Variants in SYAP1 observed in about 807,000 individuals in gnomAD.
The protein encoded by SYAP1 is synapse associated protein 1, also known as synapse-associated protein 1.
A neutral mutation model predicts 29.6 loss-of-function variants in SYAP1; 3 were observed. The observed-to-expected ratio is 0.10, with a 90% CI of 0.05 to 0.26. The LOEUF (loss-of-function observed/expected upper bound fraction) is 0.26. Among genes scored for constraint, SYAP1 ranks in the 10% least tolerant of loss-of-function variants. The probability of loss-of-function intolerance (pLI) is 1.00; values close to 1 mark genes in which losing one functional copy is unlikely to be tolerated. For synonymous variants in SYAP1, 102 were observed against 102.7 expected (o/e 0.99, Z 0.04); for missense variants, 217 against 264.1 (o/e 0.82, Z 1.24).
chrX:16,719,895 C>A lies in SYAP1; in HGVS notation c.171C>A (p.Phe57Leu), dbSNP rs1476091839. The change falls in exon 1 of 9, where the codon TTC (phenylalanine) becomes TTA (leucine). Residue 57 changes from phenylalanine (F) to leucine (L), a missense_variant. Transcript: ENST00000380155. ...DQELLHQAKD[F>L]GNYLFNFASA... ...AGCTCCTCCACCAGGCCAAAGACTT[C>A]GGCAGTGAGTCTACCCTGGCTCTGG... 2 of 1,180,856 alleles carry A rather than the reference C, an allele frequency of 1.7e-6. No homozygotes were observed. Among genetic ancestry groups the A allele is most frequent in the Non-Finnish European group, 1.1e-6 (1 of 880,544 alleles).
intron 5 of SYAP1, among the ~76,000 whole-genome samples, chrX:16,748,760 CT>C (rs146948101): frequency 0.33 from 31,185 of 93,410 alleles, 4,286 homozygotes; most frequent in Middle Eastern, 0.44. Flanking sequence ...TTTTTTTTTT[CT>C]TTTTTTTTTT....
chrX:16,757,254 A>G lies in SYAP1; in HGVS notation c.876A>G (p.Lys292=). ...ACNLNQEDLR[K]EMEQLVLDKK... is the part of the protein sequence containing the mutation. ...ACCTAAATCAGGAAGATCTAAGGAA[A>G]GAAATGGAGCAACTAGTGCTTGACA... Residue 292 remains lysine (K), a synonymous_variant, in exon 8 of 9, where the codon AAA becomes AAG. Coordinates refer to ENST00000380155, the MANE Select transcript of SYAP1 (RefSeq NM_032796.4). The G allele has an allele frequency of 1.7e-6, 2 of 1,211,425 alleles. No homozygotes were observed. The highest frequency in any genetic ancestry group is 2.2e-6 in the Non-Finnish European group (2 of 895,250).
intron 1 of SYAP1, among the ~76,000 whole-genome samples, chrX:16,723,848 G>A (rs1926022007): frequency 9.0e-6 from 1 of 111,383 alleles, no homozygotes. Flanking sequence ...TCAAGCCCTT[G>A]TCAACTTGCT....
intron 1 of SYAP1, among the ~76,000 whole-genome samples, chrX:16,724,756 A>G (rs1429351883): frequency 8.9e-6 from 1 of 112,033 alleles, no homozygotes; most frequent in Non-Finnish European, 1.9e-5. Flanking sequence ...ATTAAGAAAG[A>G]AAATGTTTCT....
At chrX:16,724,446 A>G (rs1254722225) in intron 1 of SYAP1, among the ~76,000 whole-genome samples, 3 of 112,003 alleles carry the variant, frequency 2.7e-5, no homozygotes, top group African/African-American at 9.7e-5. Flanking sequence ...CCCGAAATCT[A>G]AGTTCCCGGA....
intron 1 of SYAP1, among the ~76,000 whole-genome samples, chrX:16,733,203 C>T (rs1926247642): frequency 9.0e-6 from 1 of 110,955 alleles, no homozygotes; most frequent in Non-Finnish European, 1.9e-5. Flanking sequence ...GAGAACTAGA[C>T]CAGAGATAAG....
intron 1 of SYAP1, among the ~76,000 whole-genome samples, chrX:16,731,745 G>C (rs1027773899): frequency 9.0e-6 from 1 of 111,673 alleles, no homozygotes; most frequent in African/African-American, 3.3e-5. Context: ...TTCTAGACTA[G>C]CCTGGCCAAC....
chrX:16,728,317 T>A (rs1336430290), intron 1 of SYAP1, among the ~76,000 whole-genome samples: 1 of 111,588 alleles, frequency 9.0e-6, no homozygotes, highest in African/African-American at 3.3e-5. Context: ...ATCAGAAACC[T>A]GCATTCAAGA....
chrX:16,751,708 C>T (rs1265948374), intron 5 of SYAP1, among the ~76,000 whole-genome samples: 2 of 89,912 alleles, frequency 2.2e-5, no homozygotes, highest in East Asian at 3.4e-4. Context: ...TACGGAGTTT[C>T]GCTATTGTTG....
At chrX:16,738,969 C>T (rs1427959587) in intron 3 of SYAP1, among the ~76,000 whole-genome samples, 1 of 111,368 alleles carries the variant, frequency 9.0e-6, no homozygotes, top group Non-Finnish European at 1.9e-5. Flanking sequence ...GTTGGAGAAC[C>T]AAGAGGTTTT....
At chrX:16,741,820 A>G (rs375688952) in intron 4 of SYAP1, 31 bp downstream of exon 4, 12 of 1,012,326 alleles carry the variant, frequency 1.2e-5, no homozygotes, top group Non-Finnish European at 1.7e-5. Flanking sequence ...CAGATAGAAC[A>G]TACTTTCTTC....
At chrX:16,759,107 G>A (rs1405150997) in intron 8 of SYAP1, among the ~76,000 whole-genome samples, 1 of 108,306 alleles carries the variant, frequency 9.2e-6, no homozygotes, top group East Asian at 2.9e-4. Context: ...CAGCAGAATG[G>A]CCTGAACCCA....
intron 1 of SYAP1, among the ~76,000 whole-genome samples, chrX:16,725,507 A>G (rs1167562672): frequency 9.0e-6 from 1 of 111,635 alleles, no homozygotes; most frequent in Admixed American, 9.6e-5. Context: ...CAAAATAAAA[A>G]CTGTCTTCAA....
intron 7 of SYAP1, 57 bp downstream of exon 7, chrX:16,756,778 T>TTAA (rs1926852029): frequency 1.4e-5 from 15 of 1,062,410 alleles, no homozygotes; most frequent in Non-Finnish European, 2.0e-5. Context: ...AGTAACTGTG[T>TTAA]TAACTCTTTC....
intron 6 of SYAP1, among the ~76,000 whole-genome samples, chrX:16,755,624 A>G (rs1926827620): frequency 9.0e-6 from 1 of 110,875 alleles, no homozygotes; most frequent in Non-Finnish European, 1.9e-5. Flanking sequence ...TGTAGTCTGT[A>G]GAGCAGAACA....
At chrX:16,758,626 A>G (rs1454028053) in intron 8 of SYAP1, among the ~76,000 whole-genome samples, 1 of 110,459 alleles carries the variant, frequency 9.1e-6, no homozygotes, top group Non-Finnish European at 1.9e-5. Flanking sequence ...ATGAGCCAAC[A>G]TGCCTGGCCC....
At chrX:16,735,423 C>T (rs1389663688) in intron 2 of SYAP1, 78 bp downstream of exon 2, 2 of 671,818 alleles carry the variant, frequency 3.0e-6, no homozygotes, top group African/African-American at 4.5e-5. Context: ...TTCTTATGAA[C>T]ATTTTTTAAC....
chrX:16,727,983 C>T (rs111920820), intron 1 of SYAP1, among the ~76,000 whole-genome samples: 5,777 of 111,992 alleles, frequency 0.052, 373 homozygotes, highest in African/African-American at 0.18. Context: ...ATGCAAATAA[C>T]TATATTGCCA....
intron 6 of SYAP1, 25 bp from the exon 7 acceptor site, chrX:16,756,638 T>C: frequency 2.5e-6 from 3 of 1,188,453 alleles, no homozygotes; most frequent in Non-Finnish European, 3.4e-6. Context: ...AAGCAATTAT[T>C]GTCTCTCTTA....
Sources: allele counts gnomAD v4.1 joint callset (sites outside exome capture counted in the v4.1 genomes callset), GRCh38; gene constraint gnomAD v4.1.1; transcripts MANE v1.5; gene names NCBI Gene and HGNC (gene_info 2026-07-23, HGNC 2026-07-21).